Variants in KCNIP1 observed in about 807,000 individuals in gnomAD.
KCNIP1 encodes A-type potassium channel modulatory protein KCNIP1.
KCNIP1 carries 18 observed loss-of-function variants against 33.0 expected under a neutral mutation model. That is an observed-to-expected ratio of 0.55 (90% CI 0.38 to 0.81). The LOEUF is 0.81. KCNIP1 is among the 30% of genes least tolerant of loss of function. The pLI is 0.00. For missense variants in KCNIP1, 238 were observed against 271.6 expected (o/e 0.88, Z 0.87); for synonymous variants, 93 against 98.3 (o/e 0.95, Z 0.32).
At chr5:170,506,390 G>T (rs1754719906) in intron 1 of KCNIP1, among the ~76,000 whole-genome samples, 1 of 152,154 alleles carries the variant, frequency 6.6e-6, no homozygotes, top group African/African-American at 2.4e-5. Context: ...ATACTGTGTT[G>T]GCTGCAGCCA....
chr5:170,354,007 G>T (rs369744305), intron 1 of KCNIP1: 14 of 1,570,504 alleles, frequency 8.9e-6, no homozygotes, highest in Non-Finnish European at 1.2e-5. Flanking sequence ...TCTTGATATG[G>T]CCTGGCTGGT....
At chr5:170,461,866 G>C (rs1303868743) in intron 1 of KCNIP1, among the ~76,000 whole-genome samples, 5 of 152,138 alleles carry the variant, frequency 3.3e-5, no homozygotes, top group Admixed American at 3.3e-4. Context: ...AGTGGGGAAA[G>C]GACACCTCAT....
At chr5:170,599,435 G>A (rs1303980962) in intron 1 of KCNIP1, among the ~76,000 whole-genome samples, 3 of 152,086 alleles carry the variant, frequency 2.0e-5, no homozygotes, top group Admixed American at 2.0e-4. Flanking sequence ...TGAGATCAGG[G>A]CAACTAGTCT....
intron 5 of KCNIP1, among the ~76,000 whole-genome samples, chr5:170,728,061 A>C (rs552386192): frequency 7.9e-5 from 12 of 152,384 alleles, no homozygotes; most frequent in African/African-American, 2.4e-4. Context: ...TTAATATATC[A>C]AAAGATCAAA....
chr5:170,719,696 C>T (rs974539308), intron 2 of KCNIP1, among the ~76,000 whole-genome samples: 1 of 152,138 alleles, frequency 6.6e-6, no homozygotes, highest in African/African-American at 2.4e-5. Flanking sequence ...GGGATTCCAG[C>T]CCCTCCTGGG....
chr5:170,380,411 T>C (rs1764192419), intron 1 of KCNIP1, among the ~76,000 whole-genome samples: 1 of 152,236 alleles, frequency 6.6e-6, no homozygotes, highest in Non-Finnish European at 1.5e-5. Context: ...TGTGTAAAAC[T>C]GAGACCCAAA....
intron 1 of KCNIP1, among the ~76,000 whole-genome samples, chr5:170,363,214 G>A (rs935738682): frequency 1.3e-5 from 2 of 152,182 alleles, no homozygotes; most frequent in African/African-American, 4.8e-5. Flanking sequence ...GGTTGAAAAG[G>A]TCATGTGCAA....
At chr5:170,693,153 C>T (rs934612216) in intron 1 of KCNIP1, among the ~76,000 whole-genome samples, 2 of 152,218 alleles carry the variant, frequency 1.3e-5, no homozygotes, top group Admixed American at 1.3e-4. Context: ...GGTCTGGGAA[C>T]CCAGGTCTCC....
chr5:170,428,679 C>A (rs1755667120), intron 1 of KCNIP1, among the ~76,000 whole-genome samples: 1 of 152,140 alleles, frequency 6.6e-6, no homozygotes, highest in Admixed American at 6.5e-5. Flanking sequence ...AAACCACCTA[C>A]ACTAAAGCCA....
intron 1 of KCNIP1, among the ~76,000 whole-genome samples, chr5:170,630,455 G>T (rs530054748): frequency 6.6e-6 from 1 of 152,334 alleles, no homozygotes; most frequent in African/African-American, 2.4e-5. Flanking sequence ...GGCAGCATTT[G>T]GGCTGGGACG....
At chr5:170,380,604 C>T (rs1435451597) in intron 1 of KCNIP1, among the ~76,000 whole-genome samples, 1 of 152,222 alleles carries the variant, frequency 6.6e-6, no homozygotes, top group Admixed American at 6.5e-5. Context: ...CCCAGCCAGC[C>T]AGGGAGTAGC....
chr5:170,706,184 G>A lies in KCNIP1; in HGVS notation c.62-12574G>A, dbSNP rs78146258. Among the ~76,000 whole-genome samples, 917 of 152,300 alleles carry A rather than the reference G, an allele frequency of 6.0e-3. 8 individuals are homozygous for A. Among genetic ancestry groups the A allele is most frequent in the East Asian group, 0.043 (221 of 5,190 alleles). The stretch of plus-strand genomic sequence containing the variant: ...ATTATTCTGTATCAAGCACAGAAAT[G>A]TATGTTCACACGAACAACAAAGAAG... On this transcript the variant is annotated intron_variant, in intron 1 of 7. Transcript: ENST00000328939.
intron 1 of KCNIP1, among the ~76,000 whole-genome samples, chr5:170,589,794 T>TGTGCA (rs1554103001): frequency 1.8e-5 from 2 of 113,242 alleles, no homozygotes; most frequent in Non-Finnish European, 3.9e-5. Flanking sequence ...TGTGATGTGG[T>TGTGCA]GTGCGGTGCG....
intron 1 of KCNIP1, among the ~76,000 whole-genome samples, chr5:170,461,358 G>C (rs983368233): frequency 1.3e-5 from 2 of 152,068 alleles, no homozygotes; most frequent in African/African-American, 4.8e-5. Flanking sequence ...GCCAAAGCAA[G>C]ACTAAGCAAA....
chr5:170,697,846 A>G (rs905818), intron 1 of KCNIP1, among the ~76,000 whole-genome samples: 38,386 of 151,946 alleles, frequency 0.25, 6,128 homozygotes, highest in East Asian at 0.82. Context: ...ACCTTCCCCA[A>G]TGGCCTTGGG....
At chr5:170,390,839 G>C (rs1424812151) in intron 1 of KCNIP1, among the ~76,000 whole-genome samples, 1 of 152,052 alleles carries the variant, frequency 6.6e-6, no homozygotes, top group Non-Finnish European at 1.5e-5. Flanking sequence ...GTCACCCTGA[G>C]TTTCCCCAGC....
At chr5:170,598,908 T>TGTGTGCGC (rs1758573720) in intron 1 of KCNIP1, among the ~76,000 whole-genome samples, 2 of 138,820 alleles carry the variant, frequency 1.4e-5, no homozygotes, top group Admixed American at 7.5e-5. Context: ...TGTGCGCGTG[T>TGTGTGCGC]GTGTGTGTGT....
intron 5 of KCNIP1, among the ~76,000 whole-genome samples, chr5:170,730,285 A>G (rs551981891): frequency 3.9e-5 from 6 of 152,196 alleles, no homozygotes; most frequent in Non-Finnish European, 7.4e-5. Context: ...CCATCACTGA[A>G]TAAACTTACT....
At chr5:170,723,134 A>G (rs897497997) in intron 5 of KCNIP1, among the ~76,000 whole-genome samples, 5 of 152,196 alleles carry the variant, frequency 3.3e-5, no homozygotes, top group Non-Finnish European at 7.3e-5. Context: ...TGCATTTGGG[A>G]AGGTTAGGAG....
Sources: gnomAD v4.1 joint callset for allele counts (sites outside exome capture counted in the v4.1 genomes callset) on GRCh38, gnomAD v4.1.1 for gene constraint, MANE v1.5 for transcripts, NCBI Gene and HGNC (gene_info 2026-07-23, HGNC 2026-07-21) for gene names.